DHRSX: variants seen among roughly 807,000 people sequenced by gnomAD.
DHRSX encodes polyprenol dehydrogenase.
In DHRSX, 31 loss-of-function variants were observed where a neutral mutation model predicts 34.0. That is an observed-to-expected ratio of 0.91 (90% CI 0.69 to 1.23). The LOEUF (loss-of-function observed/expected upper bound fraction) is 1.23, where lower values mean the gene tolerates loss of function less well. Among genes scored for constraint, DHRSX ranks in the 50% most tolerant of loss-of-function variants. The probability of loss-of-function intolerance (pLI) is 0.00; values close to 1 mark genes in which losing one functional copy is unlikely to be tolerated. For synonymous variants in DHRSX, 201 were observed against 183.8 expected, an observed-to-expected ratio of 1.09 and a Z score of -0.76; for missense variants, 414 against 428.1, an observed-to-expected ratio of 0.97 and a Z score of 0.29.
chrX:2,237,961 C>T (rs188733870), intron 6 of DHRSX, among the ~76,000 whole-genome samples: 7 of 152,068 alleles, frequency 4.6e-5, no homozygotes, highest in South Asian at 2.1e-4. Flanking sequence ...GTCTGAAGAG[C>T]ACACATGCCC....
intron 4 of DHRSX, among the ~76,000 whole-genome samples, chrX:2,272,881 G>A (rs1445216309): frequency 6.6e-6 from 1 of 152,200 alleles, no homozygotes; most frequent in East Asian, 1.9e-4. Context: ...AAAACAGCAC[G>A]GATGTTCCTC....
chrX:2,452,254 A>T (rs2044231958), intron 1 of DHRSX, among the ~76,000 whole-genome samples: 1 of 151,720 alleles, frequency 6.6e-6, no homozygotes, highest in Non-Finnish European at 1.5e-5. Context: ...CACATTGAAG[A>T]CGTTCCCTAA....
At chrX:2,399,090 G>A (rs184324435) in intron 3 of DHRSX, among the ~76,000 whole-genome samples, 3 of 151,326 alleles carry the variant, frequency 2.0e-5, no homozygotes, top group Non-Finnish European at 4.4e-5. Flanking sequence ...TCCTGATCTC[G>A]TGATCTGCCC....
chrX:2,499,860 CAT>C (rs1308159545), intron 1 of DHRSX, among the ~76,000 whole-genome samples: 3 of 152,116 alleles, frequency 2.0e-5, no homozygotes, highest in Non-Finnish European at 4.4e-5. Context: ...GCCTGAGCAA[CAT>C]AGCAAGACCC....
intron 4 of DHRSX, among the ~76,000 whole-genome samples, chrX:2,286,619 T>C (rs913377276): frequency 4.0e-5 from 6 of 151,744 alleles, no homozygotes; most frequent in African/African-American, 2.4e-5. Flanking sequence ...GAGTGGGCAA[T>C]GGGTATTCAA....
At chrX:2,434,784 A>C (rs909235237) in intron 1 of DHRSX, among the ~76,000 whole-genome samples, 7 of 152,214 alleles carry the variant, frequency 4.6e-5, no homozygotes, top group African/African-American at 1.7e-4. Flanking sequence ...TATACGAGAA[A>C]ACCATTCATG....
chrX:2,369,732 G>C (rs1358119077), intron 3 of DHRSX, among the ~76,000 whole-genome samples: 1 of 152,072 alleles, frequency 6.6e-6, no homozygotes, highest in East Asian at 1.9e-4. Context: ...TCGAACACCT[G>C]ACCTCAAGTA....
intron 3 of DHRSX, among the ~76,000 whole-genome samples, chrX:2,392,935 T>C (rs1241706057): frequency 6.3e-5 from 9 of 142,580 alleles, no homozygotes; most frequent in Non-Finnish European, 1.3e-4. Context: ...AAATAAAATA[T>C]ATCAAAGTAT....
At chrX:2,410,056 G>C (rs769632856) in intron 2 of DHRSX, among the ~76,000 whole-genome samples, 3 of 152,266 alleles carry the variant, frequency 2.0e-5, no homozygotes, top group African/African-American at 7.2e-5. Flanking sequence ...CTTAGGAAGT[G>C]AACATGCGTT....
At chrX:2,410,061 T>C (rs28665237) in intron 2 of DHRSX, among the ~76,000 whole-genome samples, 37,410 of 152,028 alleles carry the variant, frequency 0.25, 5,496 homozygotes, top group East Asian at 0.54. Context: ...GAAGTGAACA[T>C]GCGTTGAACA....
rs373413096 is a variant in DHRSX, at chrX:2,340,251, A to G, written c.287-48648T>C. 5.3e-5 allele frequency among the ~76,000 whole-genome samples: 8 copies of G among 152,110 alleles called. No homozygotes were observed. In the East Asian group the frequency reaches 1.5e-3, roughly 29 times the overall value. On this transcript the variant is annotated intron_variant, in intron 3 of 6. Transcript: ENST00000334651. ...AGTATCTAATGTAGATGACGGGTTG[A>G]GGGGTGCAGCAAACCACCATGGCAC...
chrX:2,300,797 A>G (rs2124504051), intron 3 of DHRSX, among the ~76,000 whole-genome samples: 1 of 152,174 alleles, frequency 6.6e-6, no homozygotes, highest in South Asian at 2.1e-4. Context: ...CCTGTTAGTT[A>G]TATCCCTCTA....
chrX:2,294,583 T>C (rs2041907006), intron 3 of DHRSX, among the ~76,000 whole-genome samples: 1 of 150,776 alleles, frequency 6.6e-6, no homozygotes, highest in Non-Finnish European at 1.5e-5. Flanking sequence ...GAGAATCGCA[T>C]GAACCTGGGA....
At chrX:2,452,743 G>T (rs7876537) in intron 1 of DHRSX, among the ~76,000 whole-genome samples, 70,936 of 151,234 alleles carry the variant, frequency 0.47, 19,592 homozygotes, top group African/African-American at 0.76. Context: ...GCCAAGGGAC[G>T]GCCGTCATGT....
chrX:2,380,664 T>A (rs951070043), intron 3 of DHRSX, among the ~76,000 whole-genome samples: 1 of 152,052 alleles, frequency 6.6e-6, no homozygotes, highest in Non-Finnish European at 1.5e-5. Flanking sequence ...TGATAGTGAG[T>A]GAGTTCTCAC....
chrX:2,490,417 C>T (rs137896314), intron 1 of DHRSX: 64 of 1,613,836 alleles, frequency 4.0e-5, no homozygotes, highest in African/African-American at 6.7e-5. Context: ...GCTGCTGGGA[C>T]GACTCGGGCT....
chrX:2,471,992 A>G (rs1349494672), intron 1 of DHRSX, among the ~76,000 whole-genome samples: 1 of 151,798 alleles, frequency 6.6e-6, no homozygotes, highest in East Asian at 1.9e-4. Context: ...CTAAAAATAC[A>G]AAATTAGCCG....
chrX:2,361,569 A>G (rs1343808189), intron 3 of DHRSX, among the ~76,000 whole-genome samples: 1 of 152,124 alleles, frequency 6.6e-6, no homozygotes. Flanking sequence ...CTTGGTATTA[A>G]TGATTGAATT....
chrX:2,382,769 C>CACT, intron 3 of DHRSX, among the ~76,000 whole-genome samples: 1 of 137,644 alleles, frequency 7.3e-6, no homozygotes, highest in South Asian at 2.5e-4. Context: ...TCATCATCAT[C>CACT]ATCACCATCA....
Sources: allele counts gnomAD v4.1 joint callset (sites outside exome capture counted in the v4.1 genomes callset), GRCh38; gene constraint gnomAD v4.1.1; transcripts MANE v1.5; gene names NCBI Gene and HGNC (gene_info 2026-07-23, HGNC 2026-07-21).